The following AGAP1 variants were observed in gnomAD, a reference collection of about 807,000 sequenced individuals.
AGAP1 encodes ArfGAP with GTPase domain, ankyrin repeat and PH domain 1.
Under a neutral mutation model 105.3 loss-of-function variants are expected in AGAP1, and 29 were observed. The observed-to-expected ratio is 0.28, with a 90% CI of 0.21 to 0.38. The LOEUF is 0.38. Ranked by LOEUF, AGAP1 falls within the 10% of genes least tolerant of loss-of-function variation. The pLI is 1.00. For missense variants in AGAP1, 998 were observed against 1,165.1 expected, an observed-to-expected ratio of 0.86 and a Z score of 2.09; for synonymous variants, 509 against 485.9, an observed-to-expected ratio of 1.05 and a Z score of -0.63.
At chr2:235,924,745 G>A (rs1200459181) in intron 11 of AGAP1, among the ~76,000 whole-genome samples, 2 of 152,144 alleles carry the variant, frequency 1.3e-5, no homozygotes, top group Non-Finnish European at 2.9e-5. Context: ...CCCAAGCTTA[G>A]GAAACCCCAT....
In AGAP1 at chr2:236,003,834, T is replaced by C. The variant is rs182669731; in HGVS notation, c.1646-32727T>C. 3.9e-5 allele frequency among the ~76,000 whole-genome samples: 6 copies of C among 152,196 alleles called. No individual in the cohort carries two copies. The highest frequency in any genetic ancestry group is 3.3e-4 in the Admixed American group (5 of 15,278). ...GCATGTCCTACACTATCTATAAATA[T>C]GTAACTTTTTTTCCAAAGAACTTAA... On this transcript the variant is annotated intron_variant, in intron 13 of 17. Coordinates refer to ENST00000304032, the MANE Select transcript of AGAP1 (RefSeq NM_001037131.3). This position sits in a 1 kb window ranked among gnomAD's most constrained non-coding sequence, Gnocchi z 4.2.
In AGAP1 at chr2:235,601,785, C is replaced by T. The variant is rs1177849500; in HGVS notation, c.163+106936C>T. Among the ~76,000 whole-genome samples the T allele has an allele frequency of 6.6e-6, 1 of 152,162 alleles. No homozygotes were observed. The highest frequency in any genetic ancestry group is 1.5e-5 in the Non-Finnish European group (1 of 68,042). Reference sequence around the variant, plus strand: ...TCACTGGAGGCCAGGAGTTTAAGACCAGCCTGGGCAACCTCTTTTAAAGTT... The same window carrying T: ...TCACTGGAGGCCAGGAGTTTAAGACTAGCCTGGGCAACCTCTTTTAAAGTT... On this transcript the variant is annotated intron_variant, in intron 1 of 17. Coordinates refer to ENST00000304032, the MANE Select transcript of AGAP1 (RefSeq NM_001037131.3). This position sits in a 1 kb window ranked among gnomAD's most constrained non-coding sequence, Gnocchi z 4.4.
At chr2:236,028,854 A>T (rs1355977086) in intron 13 of AGAP1, among the ~76,000 whole-genome samples, 2 of 152,194 alleles carry the variant, frequency 1.3e-5, no homozygotes, top group Non-Finnish European at 2.9e-5. Flanking sequence ...TTAGGGATAG[A>T]TTATCTCTGT....
In AGAP1 at chr2:235,574,208, C is replaced by T. The variant is rs146376526; in HGVS notation, c.163+79359C>T. On this transcript the variant is annotated intron_variant, in intron 1 of 17. Transcript: ENST00000304032. The surrounding 1 kb of genome is among the most constrained non-coding windows in gnomAD (Gnocchi z 5.0). The stretch of plus-strand genomic sequence containing the variant: ...GGCACCTGAAGCATCTGGGCCTGGA[C>T]GGACTCTTTCAGGTTGTTTGGATAA... Among the ~76,000 whole-genome samples the T allele has an allele frequency of 6.6e-6, 1 of 152,194 alleles. No individual in the cohort carries two copies. The highest frequency in any genetic ancestry group is 6.5e-5 in the Admixed American group (1 of 15,280).
intron 6 of AGAP1, among the ~76,000 whole-genome samples, chr2:235,755,926 C>T (rs751520815): frequency 1.3e-5 from 2 of 152,138 alleles, no homozygotes; most frequent in Non-Finnish European, 2.9e-5. Context: ...GCTGAAAGGT[C>T]ACCTAAAATA....
intron 1 of AGAP1, among the ~76,000 whole-genome samples, chr2:235,541,722 A>G (rs1943448640): frequency 6.6e-6 from 1 of 152,138 alleles, no homozygotes; most frequent in Non-Finnish European, 1.5e-5. Context: ...ACATATTTGT[A>G]TCTATATCTG....
At chr2:236,094,359 A>AT (rs200607758) in intron 16 of AGAP1, among the ~76,000 whole-genome samples, 3,828 of 142,472 alleles carry the variant, frequency 0.027, 140 homozygotes, top group African/African-American at 0.087. Context: ...AGAGCTGAGA[A>AT]TTTTTTTTTT....
rs1310723351 is a variant in AGAP1 at position 236,104,764 on chromosome 2, C to G, written c.2115-15428C>G. The stretch of plus-strand genomic sequence containing the variant: ...ATTAGCTGGGCATGGTGATGCGTGC[C>G]TGTAATCCCAGCTACTCGGGAGGCT... On this transcript the variant is annotated intron_variant, in intron 16 of 17. Transcript: ENST00000304032. The surrounding 1 kb of genome is among the most constrained non-coding windows in gnomAD (Gnocchi z 4.7). Among the ~76,000 whole-genome samples the G allele has an allele frequency of 2.6e-5, 4 of 152,184 alleles. No individual in the cohort carries two copies. Among genetic ancestry groups the G allele is most frequent in the Non-Finnish European group, 4.4e-5 (3 of 68,040 alleles).
At chr2:235,898,487 CA>C (rs200965197) in intron 10 of AGAP1, among the ~76,000 whole-genome samples, 2,907 of 133,978 alleles carry the variant, frequency 0.022, 87 homozygotes, top group African/African-American at 0.075. Context: ...CCCCCACCCC[CA>C]CCCCCGCCTG....
At position 235,906,655 on chromosome 2, in the gene AGAP1, A is replaced by G. The variant is rs1354579590; in HGVS notation, c.1156-2083A>G. ...AGTCATGTTGGTTGCGGGAAGGTCTACATTGTCACACCCCAGGCTCACCCA... is the reference window on the plus strand; with the variant it reads ...AGTCATGTTGGTTGCGGGAAGGTCTGCATTGTCACACCCCAGGCTCACCCA... On this transcript the variant is annotated intron_variant, in intron 10 of 17. Transcript: ENST00000304032. This position sits in a 1 kb window ranked among gnomAD's most constrained non-coding sequence, Gnocchi z 5.3. Among the ~76,000 whole-genome samples, 1 of 152,194 alleles carries G rather than the reference A, an allele frequency of 6.6e-6. No individual in the cohort carries two copies. The highest frequency in any genetic ancestry group is 6.5e-5 in the Admixed American group (1 of 15,288).
At position 236,113,932 on chromosome 2, in the gene AGAP1, T is replaced by A. The variant is rs1239499866; in HGVS notation, c.2115-6260T>A. ...AGCAAATATAAAATACGATGGCGCC[T>A]GAAATGTACCTTTTCTTTTTATTTT... On this transcript the variant is annotated intron_variant, in intron 16 of 17. Coordinates refer to ENST00000304032, the MANE Select transcript of AGAP1 (RefSeq NM_001037131.3). The surrounding 1 kb of genome is among the most constrained non-coding windows in gnomAD (Gnocchi z 4.3). 1.3e-5 allele frequency among the ~76,000 whole-genome samples: 2 copies of A among 152,154 alleles called. No individual in the cohort carries two copies. Among genetic ancestry groups the A allele is most frequent in the Non-Finnish European group, 2.9e-5 (2 of 68,016 alleles).
intron 16 of AGAP1, among the ~76,000 whole-genome samples, chr2:236,081,213 A>G (rs1372270497): frequency 6.6e-6 from 1 of 152,128 alleles, no homozygotes; most frequent in Non-Finnish European, 1.5e-5. Flanking sequence ...TCGGGAAGGG[A>G]GGGTCCTGGC....
At chr2:235,616,563 A>C (rs1946313501) in intron 1 of AGAP1, among the ~76,000 whole-genome samples, 2 of 151,950 alleles carry the variant, frequency 1.3e-5, no homozygotes, top group Admixed American at 1.3e-4. Flanking sequence ...CTGACCTGGC[A>C]ATTTCATTTC....
rs1036313205 is a variant in AGAP1 at position 235,729,948 on chromosome 2, G to A, written c.311-11015G>A. Among the ~76,000 whole-genome samples, 35 of 152,022 alleles carry A rather than the reference G, an allele frequency of 2.3e-4. No homozygotes were observed. Among genetic ancestry groups the A allele is most frequent in the African/African-American group, 6.3e-4 (26 of 41,340 alleles). ...TTCTGGCCTTTTACACAGGCAGTTC[G>A]CCAGCCCCCTACCCTACAGTATGGA... On this transcript the variant is annotated intron_variant, in intron 3 of 17. Transcript: ENST00000304032. The surrounding 1 kb of genome is among the most constrained non-coding windows in gnomAD (Gnocchi z 5.0).
At position 235,663,263 on chromosome 2, in the gene AGAP1, T is replaced by G. The variant is rs1478498888; in HGVS notation, c.164-45916T>G. On this transcript the variant is annotated intron_variant, in intron 1 of 17. Coordinates refer to ENST00000304032, the MANE Select transcript of AGAP1 (RefSeq NM_001037131.3). The surrounding 1 kb of genome is among the most constrained non-coding windows in gnomAD (Gnocchi z 5.4). ...GACAGAGGTTGCAGTGAGCCAAGAT[T>G]GCACCATTGCACTCCAGCCTGGGCA... Among the ~76,000 whole-genome samples the G allele has an allele frequency of 2.0e-5, 3 of 151,966 alleles. No homozygotes were observed. Among genetic ancestry groups the G allele is most frequent in the African/African-American group, 7.3e-5 (3 of 41,366 alleles).
At position 235,931,980 on chromosome 2, in the gene AGAP1, A is replaced by C. The variant is rs2052744888; in HGVS notation, c.1483+1057A>C. Among the ~76,000 whole-genome samples the C allele has an allele frequency of 6.6e-6, 1 of 152,132 alleles. No homozygotes were observed. The highest frequency in any genetic ancestry group is 2.1e-4 in the South Asian group (1 of 4,824). ...AGCGCCAGGGCTTGCTCCTTCCCTCAAAAGAAGGTGCTTTGTTAGATAGCA... is the reference window on the plus strand; with the variant it reads ...AGCGCCAGGGCTTGCTCCTTCCCTCCAAAGAAGGTGCTTTGTTAGATAGCA... On this transcript the variant is annotated intron_variant, in intron 12 of 17. Transcript: ENST00000304032. This position sits in a 1 kb window ranked among gnomAD's most constrained non-coding sequence, Gnocchi z 5.6.
intron 1 of AGAP1, chr2:235,671,176 T>TG (rs1456065341): frequency 8.9e-7 from 1 of 1,120,610 alleles, no homozygotes. Flanking sequence ...CCTCGAGGGA[T>TG]GCGAACTCGG....
intron 12 of AGAP1, among the ~76,000 whole-genome samples, chr2:235,944,442 C>T (rs1395442793): frequency 2.6e-5 from 4 of 152,182 alleles, no homozygotes; most frequent in Admixed American, 6.5e-5. Flanking sequence ...GGTAAGCATA[C>T]GACTTAAGAA....
At chr2:235,770,776 T>A (rs1269894641) in intron 6 of AGAP1, among the ~76,000 whole-genome samples, 1 of 152,162 alleles carries the variant, frequency 6.6e-6, no homozygotes, top group Non-Finnish European at 1.5e-5. Flanking sequence ...AAGTGGCAGA[T>A]TCCAATGCTT....
Sources: allele counts gnomAD v4.1 joint callset (sites outside exome capture counted in the v4.1 genomes callset), GRCh38; gene constraint gnomAD v4.1.1; non-coding constraint Gnocchi (gnomAD v3.1); transcripts MANE v1.5; gene names NCBI Gene and HGNC (gene_info 2026-07-23, HGNC 2026-07-21).